EYS: variants seen among roughly 807,000 people sequenced by gnomAD.
EYS encodes EGF-like photoreceptor maintenance factor.
Under a neutral mutation model 282.1 loss-of-function variants are expected in EYS, and 250 were observed. The ratio of observed to expected loss-of-function variants is 0.89; its 90% CI spans 0.80 to 0.98. EYS has a LOEUF of 0.98. Among genes scored for constraint, EYS ranks in the 50% least tolerant of loss-of-function variants. The pLI, the probability that EYS is intolerant of heterozygous loss-of-function variation, is 0.00. For missense variants in EYS, 4,016 were observed against 3,709.0 expected, an observed-to-expected ratio of 1.08 and a Z score of -2.15; for synonymous variants, 1,355 against 1,282.9, an observed-to-expected ratio of 1.06 and a Z score of -1.20.
chr6:64,079,556 GTTTTTTA>G (rs148950284), intron 32 of EYS, among the ~76,000 whole-genome samples: 3,327 of 151,986 alleles, frequency 0.022, 103 homozygotes, highest in African/African-American at 0.067. Flanking sequence ...GGGGATAATT[GTTTTTTA>G]TTTTTTATTT....
At chr6:64,647,446 G>GA (rs1205964549) in intron 22 of EYS, among the ~76,000 whole-genome samples, 1 of 151,956 alleles carries the variant, frequency 6.6e-6, no homozygotes, top group African/African-American at 2.4e-5. Context: ...CTTTGTTTTG[G>GA]AATTGTTCAT....
intron 22 of EYS, among the ~76,000 whole-genome samples, chr6:64,766,650 ATATATATATATATATAT>A (rs1376473180): frequency 6.5e-4 from 18 of 27,646 alleles, no homozygotes; most frequent in African/African-American, 2.0e-3. Context: ...AAAAAAAAAA[ATATATATATATATATAT>A]ATATATATAT....
At chr6:63,845,750 C>T (rs1772082049) in intron 36 of EYS, among the ~76,000 whole-genome samples, 1 of 152,118 alleles carries the variant, frequency 6.6e-6, no homozygotes, top group South Asian at 2.1e-4. Context: ...TTGTTTATTG[C>T]ACAGGTGTTC....
At chr6:65,652,258 T>C (rs987790015) in intron 1 of EYS, among the ~76,000 whole-genome samples, 1 of 152,080 alleles carries the variant, frequency 6.6e-6, no homozygotes, top group Non-Finnish European at 1.5e-5. Context: ...AATAATTTAT[T>C]TTTTTGCTCA....
intron 1 of EYS, among the ~76,000 whole-genome samples, chr6:65,674,641 C>T (rs1178200671): frequency 6.6e-6 from 1 of 151,738 alleles, no homozygotes; most frequent in Non-Finnish European, 1.5e-5. Context: ...ACAAATCTGT[C>T]CTTCAAAAAT....
In EYS at chr6:65,614,296, T is replaced by G. The variant is rs115105859; in HGVS notation, c.-333+25482A>C. Among the ~76,000 whole-genome samples the G allele has an allele frequency of 2.2e-3, 336 of 152,080 alleles. 3 individuals are homozygous for G. Among genetic ancestry groups the G allele is most frequent in the African/African-American group, 7.6e-3 (314 of 41,546 alleles). ...CTTGCTACACTGTACTTCACCAAAA[T>G]ACACAGGACTAGTTAACAATTACAC... On this transcript the variant is annotated intron_variant, in intron 2 of 42. Coordinates refer to ENST00000503581, the MANE Select transcript of EYS (RefSeq NM_001142800.2).
intron 14 of EYS, among the ~76,000 whole-genome samples, chr6:64,983,134 C>T (rs1042997045): frequency 3.3e-5 from 5 of 151,176 alleles, no homozygotes; most frequent in Admixed American, 6.6e-5. Flanking sequence ...GTTCATATTA[C>T]GCATCATCTT....
At chr6:64,369,871 A>T (rs868334482) in intron 29 of EYS, among the ~76,000 whole-genome samples, 2 of 151,992 alleles carry the variant, frequency 1.3e-5, no homozygotes, top group South Asian at 2.1e-4. Flanking sequence ...ATTTTTGTAC[A>T]TTGATTTTAT....
intron 2 of EYS, among the ~76,000 whole-genome samples, chr6:65,562,729 T>C (rs1404624528): frequency 1.3e-5 from 2 of 152,104 alleles, no homozygotes; most frequent in Non-Finnish European, 2.9e-5. Flanking sequence ...ATGAAATAAA[T>C]ACTGTGTTAA....
intron 23 of EYS, among the ~76,000 whole-genome samples, chr6:64,619,011 A>G (rs769733735): frequency 6.6e-6 from 1 of 152,184 alleles, no homozygotes; most frequent in Non-Finnish European, 1.5e-5. Flanking sequence ...TTGCTTAGAG[A>G]TGCATACATA....
At chr6:65,474,497 G>A (rs545326874) in intron 5 of EYS, among the ~76,000 whole-genome samples, 1 of 152,134 alleles carries the variant, frequency 6.6e-6, no homozygotes, top group Admixed American at 6.5e-5. Context: ...TGTCATAAAA[G>A]TTAATACAGC....
intron 30 of EYS, among the ~76,000 whole-genome samples, chr6:64,233,961 T>G (rs905971317): frequency 9.9e-5 from 15 of 152,198 alleles, no homozygotes; most frequent in Admixed American, 2.0e-4. Flanking sequence ...GCCAGCTGAC[T>G]TTACCACTGC....
At chr6:65,183,263 A>C (rs564603284) in intron 12 of EYS, among the ~76,000 whole-genome samples, 1 of 152,076 alleles carries the variant, frequency 6.6e-6, no homozygotes, top group East Asian at 2.0e-4. Context: ...ATGTGTTTGT[A>C]ATCTCTCAAT....
intron 12 of EYS, among the ~76,000 whole-genome samples, chr6:65,207,235 A>C (rs1476946759): frequency 2.6e-5 from 4 of 151,714 alleles, no homozygotes. Context: ...ATGACATTCG[A>C]GCTGAGAACC....
chr6:63,998,929 G>A, intron 34 of EYS, 146 bp downstream of exon 34: 1 of 579,036 alleles, frequency 1.7e-6, no homozygotes, highest in Non-Finnish European at 3.1e-6. Context: ...TAAAGCATGA[G>A]TTGAATTTTC....
Position 64,021,915 on chromosome 6 carries a change from T to G in EYS, c.6726-22732A>C, listed in dbSNP as rs1226751931. Among the ~76,000 whole-genome samples the G allele has an allele frequency of 4.6e-5, 7 of 152,250 alleles. No homozygotes were observed. The East Asian group carries it at 1.3e-3, about 29-fold the overall frequency. On this transcript the variant is annotated intron_variant, in intron 33 of 42. Transcript: ENST00000503581. ...GTTACAATTCATTTTGGAGATTGTT[T>G]TCTATCATGATACAAAGCGTTTCCC...
rs757621166 is a variant in EYS at position 64,913,461 on chromosome 6, ATGTATACCCAT to A, written c.2382-729_2382-719del. Among the ~76,000 whole-genome samples the A allele has an allele frequency of 1.6e-4, 25 of 152,092 alleles. No homozygotes were observed. The South Asian group carries it at 2.5e-3, about 15-fold the overall frequency. The stretch of plus-strand genomic sequence containing the variant: ...CTCTATTGTTTCCATCTTTATGTCC[ATGTATACCCAT>A]TGTTTAGCTTCCACTTGCAAGTGAG... On this transcript the variant is annotated intron_variant, in intron 15 of 42. Transcript: ENST00000503581.
At chr6:65,271,636 A>ACAGTG (rs1262454588) in intron 12 of EYS, among the ~76,000 whole-genome samples, 1 of 152,004 alleles carries the variant, frequency 6.6e-6, no homozygotes, top group Non-Finnish European at 1.5e-5. Flanking sequence ...AGGCTGTAGT[A>ACAGTG]CAGTGGTATG....
chr6:65,141,056 G>A (rs1178607883), intron 12 of EYS, among the ~76,000 whole-genome samples: 5 of 151,582 alleles, frequency 3.3e-5, no homozygotes, highest in Non-Finnish European at 5.9e-5. Flanking sequence ...TGTTTATTGC[G>A]GCACTATTCA....
Sources: gnomAD v4.1 joint callset for allele counts (sites outside exome capture counted in the v4.1 genomes callset) on GRCh38, gnomAD v4.1.1 for gene constraint, MANE v1.5 for transcripts, NCBI Gene and HGNC (gene_info 2026-07-23, HGNC 2026-07-21) for gene names.